Variants in RAB6B observed in about 807,000 individuals in gnomAD.
RAB6B encodes ras-related protein Rab-6B.
In RAB6B, 7 loss-of-function variants were observed where a neutral mutation model predicts 31.2. That is an observed-to-expected ratio of 0.22 (90% confidence interval 0.13 to 0.42). RAB6B has a LOEUF of 0.42. RAB6B is among the 10% of genes least tolerant of loss of function. The pLI is 1.00. For synonymous variants in RAB6B, 105 were observed against 104.9 expected, an observed-to-expected ratio of 1.00 and a Z score of -0.01; for missense variants, 149 against 280.6, an observed-to-expected ratio of 0.53 and a Z score of 3.35.
At chr3:133,854,384 A>G (rs911654004) in intron 2 of RAB6B, among the ~76,000 whole-genome samples, 1 of 152,222 alleles carries the variant, frequency 6.6e-6, no homozygotes, top group Admixed American at 6.5e-5. Flanking sequence ...AACGCAGGAT[A>G]TCAACACAGC....
chr3:133,889,724 G>A (rs1278474966), intron 1 of RAB6B, among the ~76,000 whole-genome samples: 3 of 151,954 alleles, frequency 2.0e-5, no homozygotes, highest in South Asian at 2.1e-4. Flanking sequence ...GATTACAGGC[G>A]TAAGCCACCA....
At chr3:133,836,915 A>G (rs1363711334) in intron 6 of RAB6B, among the ~76,000 whole-genome samples, 1 of 151,872 alleles carries the variant, frequency 6.6e-6, no homozygotes, top group Non-Finnish European at 1.5e-5. Context: ...CTGCCAGCCC[A>G]CCTTCCCCAC....
At chr3:133,888,195 T>C (rs532488513) in intron 1 of RAB6B, among the ~76,000 whole-genome samples, 113 of 152,372 alleles carry the variant, frequency 7.4e-4, no homozygotes, top group African/African-American at 2.6e-3. Context: ...GACCTGGGTC[T>C]GAATTCTAAT....
intron 2 of RAB6B, among the ~76,000 whole-genome samples, chr3:133,844,498 C>G (rs1337841774): frequency 1.3e-5 from 2 of 152,238 alleles, no homozygotes; most frequent in Non-Finnish European, 2.9e-5. Flanking sequence ...TAACTGAGCC[C>G]TCAGCTCTGC....
intron 1 of RAB6B, among the ~76,000 whole-genome samples, chr3:133,891,588 C>T (rs1936638385): frequency 6.6e-6 from 1 of 152,052 alleles, no homozygotes; most frequent in South Asian, 2.1e-4. Context: ...TGTCTGTGCT[C>T]CCAGTGGACT....
At position 133,837,910 on chromosome 3, in the gene RAB6B, G is replaced by A. The variant is rs76267106; in HGVS notation, c.495+256C>T. Among the ~76,000 whole-genome samples the A allele has an allele frequency of 1.8e-3, 274 of 152,350 alleles. 1 individual carries two copies. Among genetic ancestry groups the A allele is most frequent in the African/African-American group, 6.3e-3 (262 of 41,578 alleles). ...ACTCTTAGGGCCTGCTACGTGGGCC[G>A]TGACTGGCAACTACTACGGTGGCTG... On this transcript the variant is annotated intron_variant, in intron 6 of 7. Coordinates refer to ENST00000285208, the MANE Select transcript of RAB6B (RefSeq NM_016577.4).
chr3:133,835,146 C>A (rs1225022810), intron 6 of RAB6B, among the ~76,000 whole-genome samples: 2 of 152,198 alleles, frequency 1.3e-5, no homozygotes, highest in East Asian at 3.9e-4. Flanking sequence ...AGTGGTGAGG[C>A]TTCTCTGAGA....
intron 2 of RAB6B, among the ~76,000 whole-genome samples, chr3:133,857,356 A>G (rs1044778672): frequency 1.3e-5 from 2 of 151,946 alleles, no homozygotes; most frequent in African/African-American, 4.8e-5. Context: ...GAAACTAAAA[A>G]GCTCGGCCAG....
At chr3:133,883,448 G>A (rs1687208395) in intron 1 of RAB6B, among the ~76,000 whole-genome samples, 1 of 152,146 alleles carries the variant, frequency 6.6e-6, no homozygotes, top group African/African-American at 2.4e-5. Flanking sequence ...AGGACCCTGG[G>A]ATGGACAGCA....
intron 2 of RAB6B, among the ~76,000 whole-genome samples, chr3:133,860,140 G>A (rs994544579): frequency 1.3e-5 from 2 of 152,206 alleles, no homozygotes; most frequent in African/African-American, 4.8e-5. Flanking sequence ...CTAGGATTTT[G>A]GAGAGAGTTG....
rs969252827 is a variant in RAB6B at position 133,824,944 on chromosome 3, T to G, written c.*3844A>C. ...TTGCTGGGTGATCTTAATAAGCAAG[T>G]TGCCCTTCTCCATCCTGGTTTTCCT... is the stretch of plus-strand genomic sequence containing the variant. On this transcript the variant is annotated 3_prime_UTR_variant, in exon 8 of 8. Coordinates refer to ENST00000285208, the MANE Select transcript of RAB6B (RefSeq NM_016577.4). 6.6e-6 allele frequency: 1 copy of G among 152,158 alleles called. No individual in the cohort carries two copies. Among genetic ancestry groups the G allele is most frequent in the Non-Finnish European group, 1.5e-5 (1 of 68,018 alleles). The allele number at this position is 152,158 out of a possible 1,614,324, so 9.4% of individuals were successfully genotyped here.
Position 133,824,466 on chromosome 3 carries a change from A to T in RAB6B, c.*4322T>A, listed in dbSNP as rs1397726766. On this transcript the variant is annotated 3_prime_UTR_variant, in exon 8 of 8. Coordinates refer to ENST00000285208, the MANE Select transcript of RAB6B (RefSeq NM_016577.4). ...GAGATGCAGGCTGGCCTTCAATGCT[A>T]TGGAGGCTTCCCACCTCCTGAAGGA... 1 of 152,206 alleles carries T rather than the reference A, an allele frequency of 6.6e-6. No homozygotes were observed. The highest frequency in any genetic ancestry group is 1.5e-5 in the Non-Finnish European group (1 of 68,072). 9.4% of individuals were successfully genotyped at this position (152,206 alleles called of 1,614,324 possible).
intron 1 of RAB6B, among the ~76,000 whole-genome samples, chr3:133,870,342 T>A (rs1936300770): frequency 6.6e-6 from 1 of 152,220 alleles, no homozygotes; most frequent in African/African-American, 2.4e-5. Context: ...CACCTGGTCC[T>A]GTCCTTGACA....
chr3:133,841,194 G>T, intron 4 of RAB6B, 91 bp downstream of exon 4: 1 of 1,048,952 alleles, frequency 9.5e-7, no homozygotes, highest in Non-Finnish European at 1.4e-6. Context: ...ACATGCGTGT[G>T]CACACACATG....
intron 5 of RAB6B, among the ~76,000 whole-genome samples, chr3:133,839,111 C>T (rs757172460): frequency 8.5e-5 from 13 of 152,242 alleles, no homozygotes; most frequent in Non-Finnish European, 1.8e-4. Flanking sequence ...CACAGCCCCA[C>T]GCACATTGGT....
intron 1 of RAB6B, among the ~76,000 whole-genome samples, chr3:133,887,219 C>G (rs983442461): frequency 1.4e-4 from 21 of 152,212 alleles, no homozygotes; most frequent in African/African-American, 4.6e-4. Flanking sequence ...TGGTTCCTCT[C>G]TGTGTGGAAG....
chr3:133,868,876 G>T (rs561161087), intron 1 of RAB6B, among the ~76,000 whole-genome samples: 2 of 152,284 alleles, frequency 1.3e-5, no homozygotes, highest in African/African-American at 4.8e-5. Flanking sequence ...TCCTCATCAC[G>T]ATCCAATGAG....
chr3:133,840,621 C>T (rs943430405), intron 4 of RAB6B, among the ~76,000 whole-genome samples: 7 of 152,176 alleles, frequency 4.6e-5, no homozygotes, highest in Non-Finnish European at 1.0e-4. Flanking sequence ...AGGGCATTCG[C>T]CCACTTCAGG....
At chr3:133,850,835 A>G (rs927274822) in intron 2 of RAB6B, among the ~76,000 whole-genome samples, 1 of 152,138 alleles carries the variant, frequency 6.6e-6, no homozygotes, top group Non-Finnish European at 1.5e-5. Context: ...AAATAAAGAA[A>G]CAAAATCACA....
Sources: allele counts gnomAD v4.1 joint callset (sites outside exome capture counted in the v4.1 genomes callset), GRCh38; gene constraint gnomAD v4.1.1; transcripts MANE v1.5; gene names NCBI Gene and HGNC (gene_info 2026-07-23, HGNC 2026-07-21).